ANK3: variants seen among roughly 807,000 people sequenced by gnomAD.
The protein encoded by ANK3 is ankyrin 3.
Under a neutral mutation model 370.9 loss-of-function variants are expected in ANK3, and 57 were observed. The ratio of observed to expected loss-of-function variants is 0.15; its 90% CI spans 0.12 to 0.19. The LOEUF (loss-of-function observed/expected upper bound fraction) is 0.19, where lower values mean the gene tolerates loss of function less well. Ranked by LOEUF, ANK3 falls within the 10% of genes least tolerant of loss-of-function variation. The probability of loss-of-function intolerance (pLI) is 1.00; values close to 1 mark genes in which losing one functional copy is unlikely to be tolerated. For missense variants in ANK3, 4,439 were observed against 5,302.1 expected, an observed-to-expected ratio of 0.84 and a Z score of 5.06; for synonymous variants, 1,929 against 1,946.3, an observed-to-expected ratio of 0.99 and a Z score of 0.23.
intron 1 of ANK3, among the ~76,000 whole-genome samples, chr10:60,343,083 A>G (rs1166209704): frequency 6.6e-6 from 1 of 152,184 alleles, no homozygotes; most frequent in Non-Finnish European, 1.5e-5. Flanking sequence ...AGGAGGACAC[A>G]TACTCGTGGG....
chr10:60,695,492 T>C (rs909681364), intron 1 of ANK3, among the ~76,000 whole-genome samples: 4 of 152,300 alleles, frequency 2.6e-5, no homozygotes, highest in African/African-American at 9.6e-5. Context: ...ATTGACCACA[T>C]ACTTCGAAGT....
intron 1 of ANK3, among the ~76,000 whole-genome samples, chr10:60,683,388 A>G (rs1383424036): frequency 1.3e-5 from 2 of 152,206 alleles, no homozygotes; most frequent in Non-Finnish European, 2.9e-5. Context: ...GAATAGTAAA[A>G]TAAGTCAAAT....
chr10:60,071,091 G>T lies in ANK3; in HGVS notation c.9790C>A (p.Gln3264Lys), dbSNP rs200645558. Residue 3264 changes from glutamine to lysine, a missense_variant, in exon 37 of 44, where the codon CAG (glutamine) becomes AAG (lysine). Gln to Lys is a moderately conservative substitution (Grantham distance 53). Transcript: ENST00000280772. ...FPPPPPLDAD[Q>K]IESDKKHHYL... ...TGATGCTTCTTATCTGACTCAATCT[G>T]GTCCGCATCCAGTGGTGGAGGAGGG... The T allele has an allele frequency of 1.2e-5, 19 of 1,613,960 alleles. No homozygotes were observed. The highest frequency in any genetic ancestry group is 1.6e-5 in the Non-Finnish European group (19 of 1,180,008).
Position 60,075,543 on chromosome 10 carries a change from A to G in ANK3, c.5338T>C (p.Ser1780Pro). 6.2e-7 allele frequency: 1 copy of G among 1,613,978 alleles called. No individual in the cohort carries two copies. The highest frequency in any genetic ancestry group is 8.5e-7 in the Non-Finnish European group (1 of 1,179,998). ...TTAMPFSPLR[S>P]YVSAAPSAFQ... ...GCTGATGGTGCTGCAGAAACATATG[A>G]CCTGAGTGGGGAAAATGGCATTGCA... Residue 1780 changes from serine to proline, a missense_variant, in exon 37 of 44, where the codon TCA becomes CCA. Ser to Pro is a moderately conservative substitution (Grantham distance 74). Coordinates refer to ENST00000280772, the MANE Select transcript of ANK3 (RefSeq NM_020987.5).
chr10:60,364,558 C>T (rs1045920360), intron 1 of ANK3, among the ~76,000 whole-genome samples: 94 of 150,444 alleles, frequency 6.2e-4, no homozygotes, highest in African/African-American at 1.7e-3. Context: ...TGGGAGGCTA[C>T]GGGTGGGATA....
intron 25 of ANK3, among the ~76,000 whole-genome samples, chr10:60,132,516 T>C (rs866902488): frequency 6.6e-6 from 1 of 152,180 alleles, no homozygotes; most frequent in African/African-American, 2.4e-5. Context: ...TCCCCAGCCA[T>C]GTGGAACTGT....
At chr10:60,487,735 A>T (rs1567084242) in intron 2 of ANK3, among the ~76,000 whole-genome samples, 1 of 74,606 alleles carries the variant, frequency 1.3e-5, no homozygotes, top group Non-Finnish European at 3.3e-5. Context: ...TTTTTTTGAG[A>T]CAGAGTCTCG....
upstream of ANK3, chr10:60,389,965 C>T (rs1461922065): frequency 1.9e-5 from 10 of 537,702 alleles, no homozygotes; most frequent in South Asian, 4.1e-4. Flanking sequence ...AAAAATCCAG[C>T]GCTAATTCTG....
At chr10:60,275,898 A>AT (rs1343009812) in intron 4 of ANK3, among the ~76,000 whole-genome samples, 4 of 152,166 alleles carry the variant, frequency 2.6e-5, no homozygotes, top group East Asian at 1.9e-4. Flanking sequence ...GCAGTTTGAG[A>AT]TTTTTTCAAT....
chr10:60,064,156 C>T lies in ANK3; in HGVS notation c.12451+1G>A. ...GTTAAAATAATATAATTTCGGCATACTTGTGGCATTTTTTCCGTCTCTGGT... is the reference window on the plus strand; with the variant it reads ...GTTAAAATAATATAATTTCGGCATATTTGTGGCATTTTTTCCGTCTCTGGT... On this transcript the variant is annotated splice_donor_variant, in intron 39 of 43. Transcript: ENST00000280772. LOFTEE classifies it high-confidence loss of function. The T allele has an allele frequency of 6.4e-7, 1 of 1,553,336 alleles. No individual in the cohort carries two copies. Among genetic ancestry groups the T allele is most frequent in the Non-Finnish European group, 8.6e-7 (1 of 1,160,476 alleles).
rs377226662 is a variant in ANK3 at position 60,623,098 on chromosome 10, G to T, written c.58-7874C>A. Among the ~76,000 whole-genome samples, 59 of 152,238 alleles carry T rather than the reference G, an allele frequency of 3.9e-4. No individual in the cohort carries two copies. The South Asian group carries it at 0.012, about 31-fold the overall frequency. The stretch of plus-strand genomic sequence containing the variant: ...GTACTTGTGACAGTAAACATGTATT[G>T]GGTCTTCCCCCAGAAGGTAGGATTT... On this transcript the variant is annotated intron_variant, in intron 1 of 43. Transcript: ENST00000373827.
intron 43 of ANK3, 88 bp downstream of exon 43, chr10:60,042,584 C>T (rs2393603): frequency 8.5e-6 from 11 of 1,294,100 alleles, no homozygotes; most frequent in African/African-American, 7.5e-5. Context: ...AAGGAAAGGA[C>T]GGGGAAAATC....
chr10:60,056,209 C>G (rs576040594), intron 41 of ANK3, among the ~76,000 whole-genome samples, 173 bp from the exon 42 acceptor site: 1 of 152,354 alleles, frequency 6.6e-6, no homozygotes, highest in African/African-American at 2.4e-5. Flanking sequence ...GTGGCTCATG[C>G]CTGTAATCCC....
chr10:60,527,729 G>A (rs1053740586), intron 2 of ANK3, among the ~76,000 whole-genome samples: 7 of 152,150 alleles, frequency 4.6e-5, no homozygotes, highest in Non-Finnish European at 2.9e-5. Context: ...ATCTCCTTCA[G>A]TGGTTTTCAA....
chr10:60,026,905 T>G lies in ANK3; in HGVS notation c.*2941A>C, dbSNP rs1182529035. ...ACAGTAATGTCAATCAATGAAAAGC[T>G]TAAATACATATTTATAAGCTGGCAG... is the stretch of plus-strand genomic sequence containing the variant. On this transcript the variant is annotated 3_prime_UTR_variant, in exon 44 of 44. Coordinates refer to ENST00000280772, the MANE Select transcript of ANK3 (RefSeq NM_020987.5). 6.6e-6 allele frequency: 1 copy of G among 152,248 alleles called. No homozygotes were observed. Among genetic ancestry groups the G allele is most frequent in the East Asian group, 1.9e-4 (1 of 5,204 alleles). 9.4% of individuals were successfully genotyped at this position (152,248 alleles called of 1,614,324 possible). A position where few individuals can be genotyped will look rare whatever the true frequency, so the allele number is the denominator to read the frequency against.
chr10:60,392,754 C>T (rs1200634413), upstream of ANK3, among the ~76,000 whole-genome samples: 4 of 152,088 alleles, frequency 2.6e-5, no homozygotes, highest in Non-Finnish European at 5.9e-5. Context: ...CATGGTGAAA[C>T]CCCATCTCTA....
At chr10:60,572,386 T>TA in intron 2 of ANK3, 1 of 1,403,154 alleles carries the variant, frequency 7.1e-7, no homozygotes, top group Non-Finnish European at 9.5e-7. Context: ...GCCAATCTCT[T>TA]AAAAATTCAG....
chr10:60,697,919 T>C (rs2079485886), intron 1 of ANK3, among the ~76,000 whole-genome samples: 2 of 151,434 alleles, frequency 1.3e-5, no homozygotes, highest in African/African-American at 4.8e-5. Flanking sequence ...CTAATTAAAC[T>C]AAAGAGCTTC....
intron 1 of ANK3, among the ~76,000 whole-genome samples, chr10:60,635,952 C>T (rs2078549534): frequency 6.6e-6 from 1 of 152,076 alleles, no homozygotes; most frequent in Non-Finnish European, 1.5e-5. Flanking sequence ...ATTTCACAGC[C>T]ATATAAGCAT....
Sources: gnomAD v4.1 joint callset for allele counts (sites outside exome capture counted in the v4.1 genomes callset) on GRCh38, gnomAD v4.1.1 for gene constraint, MANE v1.5 for transcripts, NCBI Gene and HGNC (gene_info 2026-07-23, HGNC 2026-07-21) for gene names.